Variants in CUBN observed in about 807,000 individuals in gnomAD.
CUBN encodes the protein 460 kDa receptor.
CUBN carries 282 observed loss-of-function variants against 405.3 expected under a neutral mutation model. That is an observed-to-expected ratio of 0.70 (90% confidence interval 0.63 to 0.77). CUBN has a LOEUF of 0.77. CUBN is among the 30% of genes least tolerant of loss of function. CUBN has a pLI of 0.00. For synonymous variants in CUBN, 1,684 were observed against 1,617.0 expected, an observed-to-expected ratio of 1.04 and a Z score of -0.99; for missense variants, 4,514 against 4,475.2, an observed-to-expected ratio of 1.01 and a Z score of -0.25.
chr10:17,061,939 A>G (rs1835514590), intron 22 of CUBN, among the ~76,000 whole-genome samples: 1 of 152,178 alleles, frequency 6.6e-6, no homozygotes, highest in Admixed American at 6.5e-5. Flanking sequence ...TCAGCTATGT[A>G]TTCTTGGGAG....
intron 27 of CUBN, among the ~76,000 whole-genome samples, chr10:17,032,335 G>A (rs145088727): frequency 3.3e-5 from 5 of 152,256 alleles, no homozygotes; most frequent in Admixed American, 6.5e-5. Flanking sequence ...GCAGCCAGAC[G>A]TTAAATTCCT....
At chr10:16,871,805 A>C (rs1281253872) in intron 58 of CUBN, among the ~76,000 whole-genome samples, 3 of 152,246 alleles carry the variant, frequency 2.0e-5, no homozygotes, top group Admixed American at 6.5e-5. Context: ...GCCCATTGAC[A>C]GAAAAGCTTG....
chr10:17,127,917 T>C lies in CUBN; in HGVS notation c.260A>G (p.Lys87Arg), dbSNP rs754451499. The C allele has an allele frequency of 5.0e-6, 8 of 1,598,438 alleles. No homozygotes were observed. The Admixed American group carries it at 1.3e-4, about 27-fold the overall frequency. Reference sequence around the variant, plus strand: ...TAACTCTATAATATCTTCTTTGTTTTTCTGGATCTAATTTTAGAAAAAGAA... The same window carrying C: ...TAACTCTATAATATCTTCTTTGTTTCTCTGGATCTAATTTTAGAAAAAGAA... ...DLSECLHQIQ[K>R]NKEDIIELKG... The change falls in exon 3 of 67, where the codon AAA (lysine) becomes AGA (arginine). Residue 87 changes from lysine (K) to arginine (R), a missense_variant. Transcript: ENST00000377833.
At chr10:17,124,385 G>GA (rs1564524805) in intron 4 of CUBN, among the ~76,000 whole-genome samples, 1 of 152,076 alleles carries the variant, frequency 6.6e-6, no homozygotes. Flanking sequence ...TGGGTGCAGA[G>GA]AAAACTTCTT....
chr10:17,021,424 A>T (rs779683561), intron 27 of CUBN, among the ~76,000 whole-genome samples: 3 of 152,222 alleles, frequency 2.0e-5, no homozygotes, highest in Non-Finnish European at 4.4e-5. Context: ...AATCGCCTTC[A>T]TGTTCCCTTT....
At chr10:16,862,163 C>T (rs1840037608) in intron 59 of CUBN, among the ~76,000 whole-genome samples, 1 of 137,894 alleles carries the variant, frequency 7.3e-6, no homozygotes, top group South Asian at 2.2e-4. Flanking sequence ...CTCTCTCTCA[C>T]ACACACACAC....
rs563947460 is a variant in CUBN, at chr10:16,957,430, A to T, written c.4696-2882T>A. ...TATATATATCACATTTTAAAAATCC[A>T]TTCATCCATTGATAAGTCTTTTTGT... On this transcript the variant is annotated intron_variant, in intron 31 of 66. Coordinates refer to ENST00000377833, the MANE Select transcript of CUBN (RefSeq NM_001081.4). 1.2e-4 allele frequency among the ~76,000 whole-genome samples: 18 copies of T among 152,322 alleles called. No homozygotes were observed. The East Asian group carries it at 3.5e-3, about 29-fold the overall frequency.
intron 27 of CUBN, among the ~76,000 whole-genome samples, chr10:17,034,485 T>C (rs945762458): frequency 1.3e-5 from 2 of 152,108 alleles, no homozygotes; most frequent in Non-Finnish European, 2.9e-5. Context: ...AGCATTGAAG[T>C]GAGGATAAAA....
intron 55 of CUBN, 72 bp from the exon 56 acceptor site, chr10:16,888,638 G>A: frequency 7.4e-7 from 1 of 1,350,034 alleles, no homozygotes; most frequent in Non-Finnish European, 1.1e-6. Context: ...GAAGGAAAGA[G>A]GCATTTTCCT....
Position 17,100,279 on chromosome 10 carries a change from A to G in CUBN, c.1531-40T>C, listed in dbSNP as rs774286043. 3.7e-6 allele frequency: 5 copies of G among 1,359,936 alleles called. No homozygotes were observed. In the Admixed American group the frequency reaches 8.5e-5, roughly 23 times the overall value. 84.2% of individuals were successfully genotyped at this position (1,359,936 alleles called of 1,614,324 possible). Reference sequence around the variant, plus strand: ...GCCACATATATTATCTTTTACTTCCATGTAAATTTTAAAGTATTTCTCCCA... The same window carrying G: ...GCCACATATATTATCTTTTACTTCCGTGTAAATTTTAAAGTATTTCTCCCA... On this transcript the variant is annotated intron_variant, in intron 13 of 66. Coordinates refer to ENST00000377833, the MANE Select transcript of CUBN (RefSeq NM_001081.4).
intron 28 of CUBN, 51 bp downstream of exon 28, chr10:17,019,782 T>C (rs2131782392): frequency 1.2e-6 from 2 of 1,612,902 alleles, no homozygotes; most frequent in East Asian, 2.2e-5. Flanking sequence ...AAGAAAAAAT[T>C]CTTGGCCAAA....
In CUBN at chr10:16,904,093, C is replaced by T; in HGVS notation, c.7935G>A (p.Met2645Ile). 6.2e-7 allele frequency: 1 copy of T among 1,613,950 alleles called. No homozygotes were observed. The highest frequency in any genetic ancestry group is 8.5e-7 in the Non-Finnish European group (1 of 1,179,844). The change falls in exon 51 of 67, where the codon ATG becomes ATA. Residue 2645 changes from methionine (M) to isoleucine (I), a missense_variant. Met to Ile is a conservative substitution (Grantham distance 10). Transcript: ENST00000377833. ...GCTTTGAAGGACCACAAAGTCTCCA[C>T]ATCAGGGGCCCATCAGCATCACCTG... ...FRVGDADGPLMWRLCGPSKPT... is the reference protein window; with the variant it reads ...FRVGDADGPLIWRLCGPSKPT...
chr10:16,945,236 T>C (rs1452385584), intron 36 of CUBN, among the ~76,000 whole-genome samples: 3 of 152,116 alleles, frequency 2.0e-5, no homozygotes, highest in African/African-American at 7.2e-5. Flanking sequence ...GCAATTCTGA[T>C]AGGCCTACTA....
chr10:17,082,665 T>C (rs1177703535), intron 17 of CUBN, among the ~76,000 whole-genome samples: 2 of 152,172 alleles, frequency 1.3e-5, no homozygotes, highest in Non-Finnish European at 2.9e-5. Flanking sequence ...GGTATGGAAT[T>C]GGGTAATTCA....
At chr10:16,868,781 A>C in intron 59 of CUBN, among the ~76,000 whole-genome samples, 1 of 152,104 alleles carries the variant, frequency 6.6e-6, no homozygotes, top group Admixed American at 6.5e-5. Context: ...CCGCTACATC[A>C]CCCTCTCCAG....
intron 29 of CUBN, among the ~76,000 whole-genome samples, chr10:16,987,649 C>T (rs1222797028): frequency 1.3e-5 from 2 of 152,136 alleles, no homozygotes; most frequent in Non-Finnish European, 2.9e-5. Flanking sequence ...CACATGCAGG[C>T]TGAGAAAGTC....
intron 28 of CUBN, among the ~76,000 whole-genome samples, chr10:16,995,992 C>G (rs940086410): frequency 6.6e-6 from 1 of 152,096 alleles, no homozygotes; most frequent in Non-Finnish European, 1.5e-5. Flanking sequence ...GATGTGGGTA[C>G]AAAACCCTAT....
At chr10:16,849,283 C>T (rs747676633) in intron 60 of CUBN, among the ~76,000 whole-genome samples, 53 of 152,116 alleles carry the variant, frequency 3.5e-4, no homozygotes, top group Non-Finnish European at 4.9e-4. Flanking sequence ...TTTCATGACG[C>T]GTCTGTTCTT....
rs45588636 is a variant in CUBN at position 17,045,009 on chromosome 10, C to T, written c.3670G>A (p.Ala1224Thr). The stretch of plus-strand genomic sequence containing the variant: ...TATGATGGAAACATTATACATACAG[C>T]CAGGTAATCTAAAGTGCAGTTTGGA... Reference protein sequence around the residue: ...HHPNCTLDYLAVYDGPSSNSH... With the variant: ...HHPNCTLDYLTVYDGPSSNSH... Residue 1224 changes from alanine to threonine, a missense_variant and splice_region_variant, in exon 25 of 67, where the codon GCT becomes ACT. Around this residue, in one of 5 missense-constraint regions of CUBN, gnomAD observed 242 missense variants for 309.0 expected, o/e 0.78. Transcript: ENST00000377833. The T allele has an allele frequency of 1.2e-6, 2 of 1,613,644 alleles. No homozygotes were observed. The highest frequency in any genetic ancestry group is 1.7e-6 in the Non-Finnish European group (2 of 1,179,630).
Sources: gnomAD v4.1 joint callset for allele counts (sites outside exome capture counted in the v4.1 genomes callset) on GRCh38, gnomAD v4.1.1 for gene constraint, gnomAD v4.1.1 regional missense constraint, MANE v1.5 for transcripts, NCBI Gene and HGNC (gene_info 2026-07-23, HGNC 2026-07-21) for gene names.